The following BCS1L variants were observed in gnomAD, a reference collection of about 807,000 sequenced individuals.
The protein encoded by BCS1L is mitochondrial chaperone BCS1.
BCS1L carries 38 observed loss-of-function variants against 49.3 expected under a neutral mutation model. The observed-to-expected ratio is 0.77, with a 90% CI of 0.59 to 1.01. The LOEUF is 1.01. BCS1L is among the 50% of genes least tolerant of loss of function. The probability of loss-of-function intolerance (pLI) is 0.00; values close to 1 mark genes in which losing one functional copy is unlikely to be tolerated. For missense variants in BCS1L, 394 were observed against 540.2 expected, an observed-to-expected ratio of 0.73 and a Z score of 2.68; for synonymous variants, 193 against 210.1, an observed-to-expected ratio of 0.92 and a Z score of 0.70.
chr2:218,661,931 C>T lies in BCS1L; in HGVS notation c.633C>T (p.Asn211=), dbSNP rs143363480. The T allele has an allele frequency of 3.5e-5, 56 of 1,613,978 alleles. No individual in the cohort carries two copies. The highest frequency in any genetic ancestry group is 4.4e-5 in the Non-Finnish European group (52 of 1,180,026). The change falls in exon 4 of 8, where the codon AAC becomes AAT. Residue 211 remains asparagine, a synonymous_variant. Transcript: ENST00000359273. This position sits in a 1 kb window ranked among gnomAD's most constrained non-coding sequence, Gnocchi z 5.9. The part of the protein sequence containing the change: ...IVRDVQEFID[N]PKWYTDRGIP... Reference sequence around the variant, plus strand: ...GAGACGTCCAGGAATTCATCGATAACCCCAAGTGGTACACTGACAGAGGTG... The same window carrying T: ...GAGACGTCCAGGAATTCATCGATAATCCCAAGTGGTACACTGACAGAGGTG...
At chr2:218,660,858 A>T in intron 1 of BCS1L, 81 bp from the exon 2 acceptor site, 1 of 966,760 alleles carries the variant, frequency 1.0e-6, no homozygotes, top group East Asian at 2.4e-5. Context: ...CCCACACAGT[A>T]ATGCTGACCT....
upstream of BCS1L, chr2:218,658,928 C>G (rs564486127): frequency 2.6e-5 from 4 of 152,462 alleles, no homozygotes; most frequent in African/African-American, 9.6e-5. Flanking sequence ...GGAGAAACAA[C>G]GGGCCCCGGC....
Position 218,662,546 on chromosome 2 carries a change from C to T in BCS1L, c.756C>T (p.Cys252=). The change falls in exon 6 of 8, where the codon TGC becomes TGT. Residue 252 remains cysteine (C), a synonymous_variant. Transcript: ENST00000359273. The surrounding 1 kb of genome is among the most constrained non-coding windows in gnomAD (Gnocchi z 5.8). ...CTGGGGAACTGGAGCACAGCATCTG[C>T]CTGCTGAGCCTCACGGACTCCAGCC... ...ALAGELEHSI[C]LLSLTDSSLS... is the part of the protein sequence containing the mutation. 11 of 1,614,158 alleles carry T rather than the reference C, an allele frequency of 6.8e-6. No individual in the cohort carries two copies. Among genetic ancestry groups the T allele is most frequent in the Non-Finnish European group, 9.3e-6 (11 of 1,180,050 alleles).
rs754918671 is a variant in BCS1L, at chr2:218,661,233, G to A, written c.246G>A (p.Ser82=). 15 of 1,614,078 alleles carry A rather than the reference G, an allele frequency of 9.3e-6. No homozygotes were observed. The highest frequency in any genetic ancestry group is 3.3e-5 in the South Asian group (3 of 91,086). The change falls in exon 2 of 8, where the codon TCG becomes TCA. Residue 82 remains serine, a synonymous_variant. Transcript: ENST00000359273. The surrounding 1 kb of genome is among the most constrained non-coding windows in gnomAD (Gnocchi z 5.9). The part of the protein sequence containing the change: ...TRTQHLSVET[S]YLQHESGRIS... ...CTCAGCACCTCAGTGTCGAGACTTC[G>A]TACCTTCAGCATGAGAGTGGCCGCA...
intron 1 of BCS1L, chr2:218,660,497 A>G: frequency 5.8e-6 from 1 of 171,012 alleles, no homozygotes; most frequent in Non-Finnish European, 1.3e-5. Flanking sequence ...TAAAGGTCTA[A>G]ACAAGACGTT....
Position 218,661,168 on chromosome 2 carries a change from G to T in BCS1L, c.181G>T (p.Ala61Ser), listed in dbSNP as rs372290815. ...AGTCCCTGCTCGAGACAGGAGCTAT[G>T]CCTGGTTGCTTAGCTGGCTCACCCG... ...LEVPARDRSYAWLLSWLTRHS... is the reference protein window; with the variant it reads ...LEVPARDRSYSWLLSWLTRHS... The change falls in exon 2 of 8, where the codon GCC (alanine) becomes TCC (serine). Residue 61 changes from alanine (A) to serine (S), a missense_variant. By Grantham distance (99) the Ala-to-Ser change is moderately conservative (BLOSUM62 1). Coordinates refer to ENST00000359273, the MANE Select transcript of BCS1L (RefSeq NM_001079866.2). This position sits in a 1 kb window ranked among gnomAD's most constrained non-coding sequence, Gnocchi z 5.9. The T allele has an allele frequency of 6.2e-7, 1 of 1,614,218 alleles. No individual in the cohort carries two copies. The highest frequency in any genetic ancestry group is 2.2e-5 in the East Asian group (1 of 44,890).
chr2:218,661,373 T>C lies in BCS1L; in HGVS notation c.321-33T>C. 6.2e-7 allele frequency: 1 copy of C among 1,614,190 alleles called. No individual in the cohort carries two copies. The highest frequency in any genetic ancestry group is 1.1e-5 in the South Asian group (1 of 91,084). On this transcript the variant is annotated intron_variant, in intron 2 of 7. Coordinates refer to ENST00000359273, the MANE Select transcript of BCS1L (RefSeq NM_001079866.2). This position sits in a 1 kb window ranked among gnomAD's most constrained non-coding sequence, Gnocchi z 5.9. ...AATGATGGGAGCTGGGTTTGACCCA[T>C]TCACTCACTCAGTTTTGATCGTTCT...
Position 218,662,680 on chromosome 2 carries a change from G to T in BCS1L, c.889+1G>T, listed in dbSNP as rs1057516346. The T allele has an allele frequency of 1.9e-5, 31 of 1,614,118 alleles. No homozygotes were observed. Among genetic ancestry groups the T allele is most frequent in the Non-Finnish European group, 2.5e-5 (30 of 1,180,046 alleles). ...CTCAGTCGAGACTTGGCTGTGGAGA[G>T]TAAGTGAGGGGTTCTGGAGGAAGTG... is the stretch of plus-strand genomic sequence containing the variant. On this transcript the variant is annotated splice_donor_variant, in intron 6 of 7. Transcript: ENST00000359273. LOFTEE classifies it high-confidence loss of function. The surrounding 1 kb of genome is among the most constrained non-coding windows in gnomAD (Gnocchi z 5.8).
In BCS1L at chr2:218,661,010, T is replaced by C. The variant is rs1939328599; in HGVS notation, c.23T>C (p.Leu8Pro). 2 of 1,613,900 alleles carry C rather than the reference T, an allele frequency of 1.2e-6. No homozygotes were observed. Among genetic ancestry groups the C allele is most frequent in the Non-Finnish European group, 1.7e-6 (2 of 1,180,056 alleles). The change falls in exon 2 of 8, where the codon CTG becomes CCG. Residue 8 changes from leucine (L) to proline (P), a missense_variant. Transcript: ENST00000359273. This position sits in a 1 kb window ranked among gnomAD's most constrained non-coding sequence, Gnocchi z 5.9. MPLSDFI[L>P]ALKDNPYFGA... The stretch of plus-strand genomic sequence containing the variant: ...AAGATGCCACTTTCAGACTTTATTC[T>C]GGCTCTGAAGGACAATCCCTACTTT...
upstream of BCS1L, chr2:218,659,015 T>C (rs1938966999): frequency 6.6e-6 from 1 of 152,230 alleles, no homozygotes. The surrounding 1 kb of genome is among the most constrained non-coding windows in gnomAD (Gnocchi z 4.4). Flanking sequence ...GCTTCGCTTC[T>C]CTGGGCCTCA....
In BCS1L at chr2:218,663,155, C is replaced by T; in HGVS notation, c.1029C>T (p.Arg343=). The change falls in exon 8 of 8, where the codon CGC becomes CGT. Residue 343 remains arginine (R), a synonymous_variant. Coordinates refer to ENST00000359273, the MANE Select transcript of BCS1L (RefSeq NM_001079866.2). ...TCAGGCTGGACCCTGCCCTGATACG[C>T]CCGGGGCGAGTGGACCTGAAGGAGT... ...HVDRLDPALI[R]PGRVDLKEYV... 6.2e-7 allele frequency: 1 copy of T among 1,614,210 alleles called. No homozygotes were observed. Among genetic ancestry groups the T allele is most frequent in the Non-Finnish European group, 8.5e-7 (1 of 1,180,040 alleles).
rs375743531 is a variant in BCS1L at position 218,662,295 on chromosome 2, C to T, written c.719+35C>T. On this transcript the variant is annotated intron_variant, in intron 5 of 7. Coordinates refer to ENST00000359273, the MANE Select transcript of BCS1L (RefSeq NM_001079866.2). The surrounding 1 kb of genome is among the most constrained non-coding windows in gnomAD (Gnocchi z 5.8). Reference sequence around the variant, plus strand: ...CAAAATTTCTCTCAACTTGGCAAAACGAAGCCTTTGTGGAAACACTAGGCT... The same window carrying T: ...CAAAATTTCTCTCAACTTGGCAAAATGAAGCCTTTGTGGAAACACTAGGCT... 60 of 1,595,404 alleles carry T rather than the reference C, an allele frequency of 3.8e-5. 1 individual carries two copies. In the Middle Eastern group the frequency reaches 1.3e-3, roughly 35 times the overall value.
chr2:218,660,549 A>G lies in BCS1L; in HGVS notation c.-49-390A>G, dbSNP rs116684290. ...AGGGGGAGGATATTTGAAGGACATT[A>G]CTCATAACAAGACATAGGGTTACTG... On this transcript the variant is annotated intron_variant, in intron 1 of 7. Transcript: ENST00000359273. 4,170 of 184,144 alleles carry G rather than the reference A, an allele frequency of 0.023. 179 individuals are homozygous for G. Among genetic ancestry groups the G allele is most frequent in the African/African-American group, 0.093 (3,947 of 42,586 alleles). The allele number at this position is 184,144 out of a possible 1,614,324, so 11.4% of individuals were successfully genotyped here. A position where few individuals can be genotyped will look rare whatever the true frequency, so the allele number is the denominator to read the frequency against.
At position 218,660,978 on chromosome 2, in the gene BCS1L, CCCTTT is replaced by C. The variant is rs935986970; in HGVS notation, c.-8_-4del. On this transcript the variant is annotated 5_prime_UTR_variant, in exon 2 of 8. Transcript: ENST00000359273. ...CCAGGGCCTGTAAGGTTTGGTGTTT[CCCTTT>C]CAAGATGCCACTTTCAGACTTTATT... 13 of 1,613,246 alleles carry C rather than the reference CCCTTT, an allele frequency of 8.1e-6. No individual in the cohort carries two copies. The African/African-American group carries it at 1.7e-4, about 22-fold the overall frequency.
intron 7 of BCS1L, 61 bp from the exon 8 acceptor site, chr2:218,663,070 CAGG>C: frequency 6.2e-7 from 1 of 1,614,054 alleles, no homozygotes; most frequent in South Asian, 1.1e-5. Context: ...TTGGGAGGAA[CAGG>C]AGGTCGAGGG....
rs752868592 is a variant in BCS1L, at chr2:218,663,010, A to G, written c.1007+10A>G. ...CCAACCACGTTGACAGGTAGGAAGG[A>G]GCCAGGCATCCTGAGACTTAGGCAA... On this transcript the variant is annotated intron_variant, in intron 7 of 7. Coordinates refer to ENST00000359273, the MANE Select transcript of BCS1L (RefSeq NM_001079866.2). 3.7e-6 allele frequency: 6 copies of G among 1,613,440 alleles called. No homozygotes were observed. Among genetic ancestry groups the G allele is most frequent in the East Asian group, 4.5e-5 (2 of 44,844 alleles).
In BCS1L at chr2:218,661,196, A is replaced by G. The variant is rs765613671; in HGVS notation, c.209A>G (p.His70Arg). The change falls in exon 2 of 8, where the codon CAC becomes CGC. Residue 70 changes from histidine (H) to arginine (R), a missense_variant. Coordinates refer to ENST00000359273, the MANE Select transcript of BCS1L (RefSeq NM_001079866.2). The surrounding 1 kb of genome is among the most constrained non-coding windows in gnomAD (Gnocchi z 5.9). ...TGGTTGCTTAGCTGGCTCACCCGCC[A>G]CAGTACCCGTACTCAGCACCTCAGT... ...YAWLLSWLTR[H>R]STRTQHLSVE... is the part of the protein sequence containing the mutation. 5 of 1,614,178 alleles carry G rather than the reference A, an allele frequency of 3.1e-6. No homozygotes were observed. In the East Asian group the frequency reaches 8.9e-5, roughly 29 times the overall value.
At chr2:218,660,799 C>A in intron 1 of BCS1L, 140 bp from the exon 2 acceptor site, 1 of 623,854 alleles carries the variant, frequency 1.6e-6, no homozygotes, top group South Asian at 1.9e-5. Context: ...CTGGAGCCTC[C>A]ACCCTTGCAT....
At position 218,662,188 on chromosome 2, in the gene BCS1L, T is replaced by C. The variant is rs115243727; in HGVS notation, c.656-9T>C. Reference sequence around the variant, plus strand: ...GCAAAAGACATGATCATCCTGGCTCTATCCCTAGGCATTCCTTACAGACGT... The same window carrying C: ...GCAAAAGACATGATCATCCTGGCTCCATCCCTAGGCATTCCTTACAGACGT... On this transcript the variant is annotated splice_polypyrimidine_tract_variant and intron_variant, in intron 4 of 7. Transcript: ENST00000359273. This position sits in a 1 kb window ranked among gnomAD's most constrained non-coding sequence, Gnocchi z 5.8. 6.2e-7 allele frequency: 1 copy of C among 1,613,738 alleles called. No homozygotes were observed. Among genetic ancestry groups the C allele is most frequent in the African/African-American group, 1.3e-5 (1 of 75,052 alleles).
Sources: gnomAD v4.1 joint callset for allele counts on GRCh38, gnomAD v4.1.1 for gene constraint, Gnocchi (gnomAD v3.1) non-coding constraint, MANE v1.5 for transcripts, NCBI Gene and HGNC (gene_info 2026-07-23, HGNC 2026-07-21) for gene names.